Variants in BRD1 observed in about 807,000 individuals in gnomAD.
BRD1 encodes the protein bromodomain-containing protein 1.
Under a neutral mutation model 107.7 loss-of-function variants are expected in BRD1, and 24 were observed. That is an observed-to-expected ratio of 0.22 (90% CI 0.16 to 0.31). The LOEUF (loss-of-function observed/expected upper bound fraction) is 0.31. Ranked by LOEUF, BRD1 falls within the 10% of genes least tolerant of loss-of-function variation. BRD1 has a pLI of 1.00. For synonymous variants in BRD1, 744 were observed against 686.1 expected, an observed-to-expected ratio of 1.08 and a Z score of -1.32; for missense variants, 1,279 against 1,638.6, an observed-to-expected ratio of 0.78 and a Z score of 3.79.
Position 49,798,032 on chromosome 22 carries a change from A to G in BRD1, c.1871T>C (p.Leu624Pro). The G allele has an allele frequency of 6.2e-7, 1 of 1,614,186 alleles. No individual in the cohort carries two copies. Among genetic ancestry groups the G allele is most frequent in the African/African-American group, 1.3e-5 (1 of 75,046 alleles). ...ATCAAAATCCTCCTCAAACTCATGG[A>G]GGTTTTTATACCCTTGAGCTTCTAA... ...KRLEAQGYKN[L>P]HEFEEDFDLI... The change falls in exon 6 of 13, where the codon CTC becomes CCC. Residue 624 changes from leucine (L) to proline (P), a missense_variant. Coordinates refer to ENST00000404760, the MANE Select transcript of BRD1 (RefSeq NM_001304808.3).
At chr22:49,777,275 C>A in intron 9 of BRD1, 114 bp from the exon 10 acceptor site, 1 of 1,511,486 alleles carries the variant, frequency 6.6e-7, no homozygotes, top group African/African-American at 1.4e-5. Context: ...TGCCTGACAC[C>A]CCCGCGGCCA....
At chr22:49,790,809 C>T (rs898749590) in intron 7 of BRD1, among the ~76,000 whole-genome samples, 4 of 152,246 alleles carry the variant, frequency 2.6e-5, no homozygotes, top group African/African-American at 9.6e-5. Context: ...GAGGAACATG[C>T]ATCCTTCCTT....
In BRD1 at chr22:49,787,565, T is replaced by TG. The variant is rs759586210; in HGVS notation, c.2681dup (p.Ser896ValfsTer6). 2.5e-6 allele frequency: 4 copies of TG among 1,586,092 alleles called. No homozygotes were observed. Among genetic ancestry groups the TG allele is most frequent in the Non-Finnish European group, 2.6e-6 (3 of 1,165,432 alleles). On this transcript the variant is annotated frameshift_variant, in exon 8 of 13. Coordinates refer to ENST00000404760, the MANE Select transcript of BRD1 (RefSeq NM_001304808.3). LOFTEE classifies it high-confidence loss of function. ...GGGTTTCAGTGTTCTTGGCAGACTT[T>TG]GGGGGGCTTACACTTTTCGATTTGC...
chr22:49,823,753 G>C lies in BRD1; in HGVS notation c.565C>G (p.Leu189Val), dbSNP rs1324997880. The C allele has an allele frequency of 6.2e-6, 10 of 1,614,050 alleles. No homozygotes were observed. Among genetic ancestry groups the C allele is most frequent in the Non-Finnish European group, 6.8e-6 (8 of 1,180,048 alleles). The change falls in exon 2 of 13, where the codon CTG becomes GTG. Residue 189 changes from leucine (L) to valine (V), a missense_variant. Physicochemically the swap from Leu to Val is conservative, Grantham distance 32 (BLOSUM62 1). This residue lies in a region of BRD1 where 223 missense variants were observed against 263.5 expected (regional missense o/e 0.85). Coordinates refer to ENST00000404760, the MANE Select transcript of BRD1 (RefSeq NM_001304808.3). ...PAVSQSMFEF[L>V]MDRFEKESHC... Reference sequence around the variant, plus strand: ...GACTCCTTCTCGAAGCGGTCCATCAGGAACTCAAACATGCTCTGCGACACG... The same window carrying C: ...GACTCCTTCTCGAAGCGGTCCATCACGAACTCAAACATGCTCTGCGACACG...
chr22:49,789,318 T>A (rs1372828163), intron 7 of BRD1, among the ~76,000 whole-genome samples: 1 of 152,190 alleles, frequency 6.6e-6, no homozygotes, highest in Non-Finnish European at 1.5e-5. Context: ...CGGAGGGAAC[T>A]GGGCAATGCG....
chr22:49,806,363 G>A (rs559415125), intron 2 of BRD1: 6 of 152,204 alleles, frequency 3.9e-5, no homozygotes, highest in Non-Finnish European at 5.9e-5. Flanking sequence ...AAAAACTTAA[G>A]AGCCAGATGC....
chr22:49,785,316 AC>A (rs2059302080), intron 8 of BRD1, among the ~76,000 whole-genome samples: 1 of 152,138 alleles, frequency 6.6e-6, no homozygotes, highest in African/African-American at 2.4e-5. Flanking sequence ...GCCGCCTCAA[AC>A]CCCAGCCCCA....
rs1231368654 is a variant in BRD1, at chr22:49,794,028, G to C, written c.2359+6C>G. ...AGAAAGCGGGGCAGCCCTCACCGTG[G>C]CTTACCTTCCTCGCCCGCCTCCGGC... On this transcript the variant is annotated splice_donor_region_variant and intron_variant, in intron 7 of 12. Coordinates refer to ENST00000404760, the MANE Select transcript of BRD1 (RefSeq NM_001304808.3). 6.2e-7 allele frequency: 1 copy of C among 1,609,204 alleles called. No individual in the cohort carries two copies. Among genetic ancestry groups the C allele is most frequent in the Non-Finnish European group, 8.5e-7 (1 of 1,177,620 alleles).
chr22:49,796,306 G>A (rs529218771), intron 6 of BRD1, among the ~76,000 whole-genome samples: 2 of 151,828 alleles, frequency 1.3e-5, no homozygotes, highest in African/African-American at 4.8e-5. Flanking sequence ...ACATTAGCCA[G>A]GATGGTCTCG....
chr22:49,775,829 C>G lies in BRD1; in HGVS notation c.3232-84G>C, dbSNP rs1390275914. ...CTGTCACTGGCACCCCCCCCCGCCT[C>G]CCCACCCCAGCTGTGTGAGCCTCCT... On this transcript the variant is annotated intron_variant, in intron 11 of 12. Coordinates refer to ENST00000404760, the MANE Select transcript of BRD1 (RefSeq NM_001304808.3). The G allele has an allele frequency of 1.8e-5, 21 of 1,153,020 alleles. No individual in the cohort carries two copies. In the African/African-American group the frequency reaches 1.9e-4, roughly 11 times the overall value. 71.4% of individuals were successfully genotyped at this position (1,153,020 alleles called of 1,614,324 possible).
At chr22:49,791,601 G>GT (rs1487860150) in intron 7 of BRD1, among the ~76,000 whole-genome samples, 3 of 152,204 alleles carry the variant, frequency 2.0e-5, no homozygotes, top group Non-Finnish European at 2.9e-5. Context: ...TATAAGTATC[G>GT]TAAGTCACAT....
At chr22:49,781,042 G>C (rs1005142392) in intron 8 of BRD1, among the ~76,000 whole-genome samples, 16 of 152,224 alleles carry the variant, frequency 1.1e-4, no homozygotes, top group African/African-American at 3.9e-4. Flanking sequence ...TGGTGACTGT[G>C]AGAAATACGT....
chr22:49,777,312 G>C, intron 9 of BRD1, 151 bp from the exon 10 acceptor site: 1 of 1,281,608 alleles, frequency 7.8e-7, no homozygotes, highest in Non-Finnish European at 1.1e-6. Context: ...CGCAGGTCTG[G>C]AGGGAGTGAA....
At chr22:49,775,836 CCAGCTGTGTGAGCCTCCTCAGA>C in intron 11 of BRD1, 91 bp from the exon 12 acceptor site, 1 of 1,270,248 alleles carries the variant, frequency 7.9e-7, no homozygotes, top group Middle Eastern at 3.1e-4. Context: ...CCTCCCCACC[CCAGCTGTGTGAGCCTCCTCAGA>C]CCACCCCCAC....
rs768899119 is a variant in BRD1, at chr22:49,799,108, A to G, written c.1536T>C (p.Asp512=). ...SQRSSQQREN[D]EEMKAAKEKL... ...TCTCTTTGGCAGCCTTCATCTCCTC[A>G]TCATTTTCTCTCTGAGAACAGTGAA... The change falls in exon 4 of 13, where the codon GAT becomes GAC. Residue 512 remains aspartate (D), a synonymous_variant. Coordinates refer to ENST00000404760, the MANE Select transcript of BRD1 (RefSeq NM_001304808.3). 1 of 1,607,752 alleles carries G rather than the reference A, an allele frequency of 6.2e-7. No individual in the cohort carries two copies. Among genetic ancestry groups the G allele is most frequent in the Non-Finnish European group, 8.5e-7 (1 of 1,179,790 alleles).
chr22:49,814,814 C>G (rs2059919149), intron 2 of BRD1, among the ~76,000 whole-genome samples: 1 of 152,162 alleles, frequency 6.6e-6, no homozygotes, highest in Non-Finnish European at 1.5e-5. Flanking sequence ...GTAAAGAAAA[C>G]TTCACATAAA....
Position 49,798,903 on chromosome 22 carries a change from A to G in BRD1, c.1656+85T>C, listed in dbSNP as rs2059587344. Reference sequence around the variant, plus strand: ...CTGTGGGCCAGGACCCACCGGGTGCAGCCCACCCTCTGCAGGAGCTGCCAG... The same window carrying G: ...CTGTGGGCCAGGACCCACCGGGTGCGGCCCACCCTCTGCAGGAGCTGCCAG... On this transcript the variant is annotated intron_variant, in intron 4 of 12. Transcript: ENST00000404760. The G allele has an allele frequency of 3.3e-6, 5 of 1,509,632 alleles. No homozygotes were observed. In the South Asian group the frequency reaches 6.5e-5, roughly 20 times the overall value. 93.5% of individuals were successfully genotyped at this position (1,509,632 alleles called of 1,614,324 possible). A position where few individuals can be genotyped will look rare whatever the true frequency, so the allele number is the denominator to read the frequency against.
chr22:49,809,334 G>A (rs1254055169), intron 2 of BRD1, among the ~76,000 whole-genome samples: 2 of 152,076 alleles, frequency 1.3e-5, no homozygotes, highest in Non-Finnish European at 2.9e-5. Flanking sequence ...GAGGTCAGGA[G>A]TTCAAGACCA....
chr22:49,781,978 G>A (rs2059218112), intron 8 of BRD1, among the ~76,000 whole-genome samples: 1 of 149,582 alleles, frequency 6.7e-6, no homozygotes, highest in Admixed American at 6.6e-5. Context: ...GTCCGAGACA[G>A]ACCCAAGGCC....
Sources: gnomAD v4.1 joint callset for allele counts (sites outside exome capture counted in the v4.1 genomes callset) on GRCh38, gnomAD v4.1.1 for gene constraint, gnomAD v4.1.1 regional missense constraint, MANE v1.5 for transcripts, NCBI Gene and HGNC (gene_info 2026-07-23, HGNC 2026-07-21) for gene names.